BICD1: variants seen among roughly 807,000 people sequenced by gnomAD.
BICD1 encodes BICD cargo adaptor 1, also known as protein bicaudal D homolog 1.
Under a neutral mutation model 92.5 loss-of-function variants are expected in BICD1, and 35 were observed. The ratio of observed to expected loss-of-function variants is 0.38; its 90% confidence interval spans 0.29 to 0.50. The LOEUF (loss-of-function observed/expected upper bound fraction) is 0.50. Ranked by LOEUF, BICD1 falls within the 20% of genes least tolerant of loss-of-function variation. The pLI is 0.93. For synonymous variants in BICD1, 429 were observed against 465.1 expected (o/e 0.92, Z 1.00); for missense variants, 950 against 1,189.8 (o/e 0.80, Z 2.97).
intron 8 of BICD1, among the ~76,000 whole-genome samples, chr12:32,355,341 A>AT (rs924963891): frequency 2.0e-5 from 3 of 152,072 alleles, no homozygotes; most frequent in Non-Finnish European, 2.9e-5. Flanking sequence ...AAATCCAAGG[A>AT]TTTTTTTTAA....
chr12:32,365,519 A>G (rs1939496349), intron 8 of BICD1, among the ~76,000 whole-genome samples: 1 of 152,234 alleles, frequency 6.6e-6, no homozygotes, highest in Non-Finnish European at 1.5e-5. Flanking sequence ...CTCTAATTCT[A>G]AGGATCGCTA....
Position 32,380,824 on chromosome 12 carries a change from G to T in BICD1, c.*3197G>T, listed in dbSNP as rs991629787. The T allele has an allele frequency of 3.3e-5, 5 of 151,294 alleles. No individual in the cohort carries two copies. The highest frequency in any genetic ancestry group is 3.3e-4 in the Admixed American group (5 of 15,178). 9.4% of individuals were successfully genotyped at this position (151,294 alleles called of 1,614,324 possible). A position where few individuals can be genotyped will look rare whatever the true frequency, so the allele number is the denominator to read the frequency against. ...GAGGAGGTACAATAGTAGTCTTCAAGAAAAGAATATTTAACAAATGATAGA... is the reference window on the plus strand; with the variant it reads ...GAGGAGGTACAATAGTAGTCTTCAATAAAAGAATATTTAACAAATGATAGA... On this transcript the variant is annotated 3_prime_UTR_variant, in exon 10 of 10. Transcript: ENST00000652176.
chr12:32,283,678 G>A (rs1267112472), intron 2 of BICD1, among the ~76,000 whole-genome samples: 1 of 152,200 alleles, frequency 6.6e-6, no homozygotes, highest in Admixed American at 6.5e-5. Flanking sequence ...ATTGGAAGAA[G>A]TGCAGAGCCT....
At chr12:32,286,888 AAAGT>A (rs1422847888) in intron 2 of BICD1, among the ~76,000 whole-genome samples, 1 of 152,248 alleles carries the variant, frequency 6.6e-6, no homozygotes, top group Non-Finnish European at 1.5e-5. Flanking sequence ...AAATGTATAA[AAAGT>A]AAGTAGCCAG....
At chr12:32,236,695 A>C (rs1000212581) in intron 2 of BICD1, among the ~76,000 whole-genome samples, 22 of 152,172 alleles carry the variant, frequency 1.4e-4, no homozygotes, top group African/African-American at 5.3e-4. Context: ...ATTGTGCCAA[A>C]CAGCCAAACT....
intron 1 of BICD1, among the ~76,000 whole-genome samples, chr12:32,142,427 AAAAACAAAAAAC>A (rs1293805943): frequency 4.1e-5 from 2 of 48,522 alleles, no homozygotes; most frequent in African/African-American, 1.9e-4. Flanking sequence ...AAAAAAAAAA[AAAAACAAAAAAC>A]CCCACCTATC....
intron 8 of BICD1, among the ~76,000 whole-genome samples, chr12:32,355,070 T>C (rs1939046077): frequency 6.6e-6 from 1 of 152,206 alleles, no homozygotes; most frequent in South Asian, 2.1e-4. Flanking sequence ...AATTTACTGG[T>C]TATGTTATTT....
At position 32,180,785 on chromosome 12, in the gene BICD1, T is replaced by C. The variant is rs112620847; in HGVS notation, c.214-35462T>C. Among the ~76,000 whole-genome samples, 92 of 152,100 alleles carry C rather than the reference T, an allele frequency of 6.0e-4. 1 individual carries two copies. Among genetic ancestry groups the C allele is most frequent in the African/African-American group, 2.0e-3 (83 of 41,552 alleles). On this transcript the variant is annotated intron_variant, in intron 1 of 9. Transcript: ENST00000652176. ...TTCCTTGAATACTGGTTTTGTAAGC[T>C]AGATTATCTCATTTAACCCTGTGAT... is the stretch of plus-strand genomic sequence containing the variant.
At chr12:32,374,590 G>A (rs1322878125) in intron 9 of BICD1, among the ~76,000 whole-genome samples, 2 of 132,982 alleles carry the variant, frequency 1.5e-5, no homozygotes, top group Non-Finnish European at 3.2e-5. Flanking sequence ...TTTTTGAGAC[G>A]GAGTTTTGCT....
At chr12:32,324,583 C>CTTTTTT (rs1490993405) in intron 4 of BICD1, among the ~76,000 whole-genome samples, 3 of 148,640 alleles carry the variant, frequency 2.0e-5, no homozygotes, top group East Asian at 3.9e-4. Context: ...TTTTCTTTTT[C>CTTTTTT]TTTTGAGATG....
chr12:32,229,721 C>T (rs1945814455), intron 2 of BICD1, among the ~76,000 whole-genome samples: 1 of 152,084 alleles, frequency 6.6e-6, no homozygotes, highest in African/African-American at 2.4e-5. Flanking sequence ...AGTCTGTTTG[C>T]AAATAGGACC....
intron 2 of BICD1, among the ~76,000 whole-genome samples, chr12:32,254,635 C>T (rs915781092): frequency 6.6e-6 from 1 of 152,200 alleles, no homozygotes; most frequent in African/African-American, 2.4e-5. Flanking sequence ...ATTGTGTGGT[C>T]ACTGTCTCAT....
intron 1 of BICD1, among the ~76,000 whole-genome samples, chr12:32,162,467 T>C (rs1024206098): frequency 6.6e-6 from 1 of 152,178 alleles, no homozygotes; most frequent in Non-Finnish European, 1.5e-5. Flanking sequence ...TGAAGTCAAA[T>C]CCTCTTCCAC....
At chr12:32,214,946 G>A (rs2121551907) in intron 1 of BICD1, among the ~76,000 whole-genome samples, 1 of 152,120 alleles carries the variant, frequency 6.6e-6, no homozygotes, top group Middle Eastern at 3.4e-3. Flanking sequence ...CTGTGAAAAG[G>A]GGCCGGTCGT....
At chr12:32,191,446 T>C (rs980724846) in intron 1 of BICD1, among the ~76,000 whole-genome samples, 1 of 151,764 alleles carries the variant, frequency 6.6e-6, no homozygotes, top group Non-Finnish European at 1.5e-5. Flanking sequence ...AATTGAAGGT[T>C]TGTGGCAACC....
chr12:32,327,621 C>T lies in BICD1; in HGVS notation c.1166C>T (p.Ala389Val). ...CTGCAAAGCAGCAAGGAGCTCAAGG[C>T]TGAGCTGGACGGGGAGAAGGGCCGG... ...RGLQSSKELK[A>V]ELDGEKGRDS... Residue 389 changes from alanine (A) to valine (V), a missense_variant, in exon 5 of 10, where the codon GCT (alanine) becomes GTT (valine). Around this residue, in one of 5 missense-constraint regions of BICD1, gnomAD observed 246 missense variants for 258.4 expected, o/e 0.95. Coordinates refer to ENST00000652176, the MANE Select transcript of BICD1 (RefSeq NM_001714.4). 6.2e-7 allele frequency: 1 copy of T among 1,614,076 alleles called. No individual in the cohort carries two copies. Among genetic ancestry groups the T allele is most frequent in the Non-Finnish European group, 8.5e-7 (1 of 1,180,016 alleles).
intron 1 of BICD1, among the ~76,000 whole-genome samples, chr12:32,201,900 A>G (rs1306505162): frequency 6.6e-6 from 1 of 152,186 alleles, no homozygotes; most frequent in African/African-American, 2.4e-5. Context: ...TAAGCAAGCA[A>G]TCTCCTCTTA....
rs532572603 is a variant in BICD1, at chr12:32,320,370, G to A, written c.1006-7091G>A. On this transcript the variant is annotated intron_variant, in intron 4 of 9. Transcript: ENST00000652176. The stretch of plus-strand genomic sequence containing the variant: ...ATAAAAAGGTTTTGAGGCTGGGCAC[G>A]GTGGCTCACACCTGTAATCCCAACA... Among the ~76,000 whole-genome samples, 198 of 152,164 alleles carry A rather than the reference G, an allele frequency of 1.3e-3. 1 individual carries two copies. Among genetic ancestry groups the A allele is most frequent in the Non-Finnish European group, 2.0e-3 (133 of 67,998 alleles).
At chr12:32,215,953 C>CAG (rs1491120621) in intron 1 of BICD1, among the ~76,000 whole-genome samples, 2 of 67,904 alleles carry the variant, frequency 2.9e-5, no homozygotes, top group Admixed American at 2.1e-4. Context: ...GACTCCGTCT[C>CAG]AAAAAAAAAA....
Sources: gnomAD v4.1 joint callset for allele counts (sites outside exome capture counted in the v4.1 genomes callset) on GRCh38, gnomAD v4.1.1 for gene constraint, gnomAD v4.1.1 regional missense constraint, MANE v1.5 for transcripts, NCBI Gene and HGNC (gene_info 2026-07-23, HGNC 2026-07-21) for gene names.